The following TMPRSS11B variants were observed in gnomAD, a reference collection of about 807,000 sequenced individuals.
The protein encoded by TMPRSS11B is transmembrane serine protease 11B.
In TMPRSS11B, 53 loss-of-function variants were observed where a neutral mutation model predicts 44.7. That is an observed-to-expected ratio of 1.19 (90% CI 0.95 to 1.49). TMPRSS11B has a LOEUF of 1.49. Among genes scored for constraint, TMPRSS11B ranks in the 40% most tolerant of loss-of-function variants. The pLI, the probability that TMPRSS11B is intolerant of heterozygous loss-of-function variation, is 0.00. For missense variants in TMPRSS11B, 526 were observed against 494.8 expected (o/e 1.06, Z -0.60); for synonymous variants, 140 against 159.2 (o/e 0.88, Z 0.91).
In TMPRSS11B at chr4:68,245,679, T is replaced by C. The variant is rs1172188980; in HGVS notation, c.-121A>G. The stretch of plus-strand genomic sequence containing the variant: ...AAAAGTTAGAACCTTCTGACGCAGC[T>C]TTTGACTTATGTGCTACATCCAGTG... On this transcript the variant is annotated 5_prime_UTR_variant, in exon 1 of 10. Transcript: ENST00000332644. 7.3e-6 allele frequency: 9 copies of C among 1,232,498 alleles called. No homozygotes were observed. In the East Asian group the frequency reaches 2.1e-4, roughly 29 times the overall value. 76.3% of individuals were successfully genotyped at this position (1,232,498 alleles called of 1,614,324 possible). A position where few individuals can be genotyped will look rare whatever the true frequency, so the allele number is the denominator to read the frequency against.
intron 7 of TMPRSS11B, 65 bp downstream of exon 7, chr4:68,231,138 C>T (rs1051500297): frequency 7.0e-7 from 1 of 1,438,040 alleles, no homozygotes; most frequent in Admixed American, 2.4e-5. Flanking sequence ...TAAGTTAACC[C>T]CTACAAACTA....
chr4:68,228,097 T>G, intron 9 of TMPRSS11B, 25 bp from the exon 10 acceptor site: 1 of 1,569,646 alleles, frequency 6.4e-7, no homozygotes. Flanking sequence ...GAAAAAAATG[T>G]TTCTTGTCTT....
intron 7 of TMPRSS11B, among the ~76,000 whole-genome samples, chr4:68,230,591 G>A (rs112448355): frequency 0.01 from 1,550 of 152,114 alleles, 23 homozygotes; most frequent in African/African-American, 0.032. Context: ...ATCACTTAAG[G>A]TCAGGAGTTC....
At chr4:68,231,020 T>G (rs1340774029) in intron 7 of TMPRSS11B, among the ~76,000 whole-genome samples, 183 bp downstream of exon 7, 3 of 73,816 alleles carry the variant, frequency 4.1e-5, no homozygotes, top group Non-Finnish European at 7.8e-5. Context: ...TTTTCTCTCC[T>G]TTCTCTAATT....
In TMPRSS11B at chr4:68,234,526, G is replaced by A. The variant is rs1719607912; in HGVS notation, c.406C>T (p.His136Tyr). The A allele has an allele frequency of 3.1e-6, 5 of 1,613,866 alleles. No homozygotes were observed. In the African/African-American group the frequency reaches 4.0e-5, roughly 13 times the overall value. The change falls in exon 5 of 10, where the codon CAT becomes TAT. Residue 136 changes from histidine (H) to tyrosine (Y), a missense_variant. His to Tyr is a moderately conservative substitution (Grantham distance 83). Coordinates refer to ENST00000332644, the MANE Select transcript of TMPRSS11B (RefSeq NM_182502.3). ...SMRTKIKAKLHQMLKNNMASW... is the reference protein window; with the variant it reads ...SMRTKIKAKLYQMLKNNMASW... Reference sequence around the variant, plus strand: ...GCCATGTTGTTTTTCAACATCTGATGTAATTTAGCCTTGATTTTAGTCCTC... The same window carrying A: ...GCCATGTTGTTTTTCAACATCTGATATAATTTAGCCTTGATTTTAGTCCTC...
In TMPRSS11B at chr4:68,228,074, T is replaced by TAGA. The variant is rs746751885; in HGVS notation, c.1090-5_1090-3dup. The TAGA allele has an allele frequency of 3.5e-5, 56 of 1,587,142 alleles. No individual in the cohort carries two copies. Among genetic ancestry groups the TAGA allele is most frequent in the Non-Finnish European group, 4.6e-5 (54 of 1,172,596 alleles). ...AGCTAGTGGTCCACCAGAATCATTC[T>TAGA]AGAAGAAGAAAAGAAAAAAATGTTT... On this transcript the variant is annotated splice_region_variant and splice_polypyrimidine_tract_variant and intron_variant, in intron 9 of 9. Coordinates refer to ENST00000332644, the MANE Select transcript of TMPRSS11B (RefSeq NM_182502.3).
At position 68,245,673 on chromosome 4, in the gene TMPRSS11B, C is replaced by G. The variant is rs879488245; in HGVS notation, c.-115G>C. 2.3e-6 allele frequency: 3 copies of G among 1,321,884 alleles called. No homozygotes were observed. The highest frequency in any genetic ancestry group is 3.3e-6 in the Non-Finnish European group (3 of 922,048). The allele number at this position is 1,321,884 out of a possible 1,614,324, so 81.9% of individuals were successfully genotyped here. A position where few individuals can be genotyped will look rare whatever the true frequency, so the allele number is the denominator to read the frequency against. ...GATGACAAAAGTTAGAACCTTCTGACGCAGCTTTTGACTTATGTGCTACAT... is the reference window on the plus strand; with the variant it reads ...GATGACAAAAGTTAGAACCTTCTGAGGCAGCTTTTGACTTATGTGCTACAT... On this transcript the variant is annotated 5_prime_UTR_variant, in exon 1 of 10. Transcript: ENST00000332644.
chr4:68,229,738 T>C (rs961754734), intron 7 of TMPRSS11B: 1 of 419,752 alleles, frequency 2.4e-6, no homozygotes, highest in Non-Finnish European at 4.2e-6. Flanking sequence ...TGAAGATCTT[T>C]TCAAGTAGAG....
rs1560446681 is a variant in TMPRSS11B at position 68,245,610 on chromosome 4, A to G, written c.-52T>C. The G allele has an allele frequency of 6.9e-6, 11 of 1,595,568 alleles. No homozygotes were observed. The highest frequency in any genetic ancestry group is 9.5e-6 in the Non-Finnish European group (11 of 1,164,018). Reference sequence around the variant, plus strand: ...AGGTATAACGGTGGTAATGATGATGACGAAGATAACGATAACGATGACAAT... The same window carrying G: ...AGGTATAACGGTGGTAATGATGATGGCGAAGATAACGATAACGATGACAAT... On this transcript the variant is annotated 5_prime_UTR_variant, in exon 1 of 10. Transcript: ENST00000332644.
At chr4:68,233,960 G>A (rs1719589606) in intron 5 of TMPRSS11B, among the ~76,000 whole-genome samples, 1 of 151,824 alleles carries the variant, frequency 6.6e-6, no homozygotes, top group East Asian at 1.9e-4. Flanking sequence ...TCACAAGGTC[G>A]GGAGTTCAAG....
At position 68,228,742 on chromosome 4, in the gene TMPRSS11B, C is replaced by A. The variant is rs375856240; in HGVS notation, c.1089G>T (p.Gln363His). Residue 363 changes from glutamine to histidine, a missense_variant and splice_region_variant, in exon 9 of 10, where the codon CAG becomes CAT. Physicochemically the swap from Gln to His is conservative, Grantham distance 24. Coordinates refer to ENST00000332644, the MANE Select transcript of TMPRSS11B (RefSeq NM_182502.3). Reference protein sequence around the residue: ...GFMSGEADACQNDSGGPLAYP... With the variant: ...GFMSGEADACHNDSGGPLAYP... Reference sequence around the variant, plus strand: ...AACTGGATAATGTAACTAGACATACCTGACATGCATCAGCTTCTCCTGACA... The same window carrying A: ...AACTGGATAATGTAACTAGACATACATGACATGCATCAGCTTCTCCTGACA... 7 of 1,606,396 alleles carry A rather than the reference C, an allele frequency of 4.4e-6. No homozygotes were observed. In the African/African-American group the frequency reaches 9.4e-5, roughly 22 times the overall value.
At chr4:68,245,449 A>G (rs527470541) in intron 1 of TMPRSS11B, 102 bp downstream of exon 1, 2 of 1,290,240 alleles carry the variant, frequency 1.6e-6, no homozygotes, top group Admixed American at 3.4e-5. Context: ...CAGGAATAAA[A>G]ACTAAATTAT....
Position 68,228,007 on chromosome 4 carries a change from T to TA in TMPRSS11B, c.1154dup (p.Ser386LysfsTer4), listed in dbSNP as rs775271416. 1 of 1,613,864 alleles carries TA rather than the reference T, an allele frequency of 6.2e-7. No individual in the cohort carries two copies. The highest frequency in any genetic ancestry group is 1.3e-5 in the African/African-American group (1 of 74,916). ...TTTTACCACATCCATCACCCCAGCT[T>TA]ACTATTCCAACAAGATGCCAGATAT... On this transcript the variant is annotated frameshift_variant, in exon 10 of 10. Coordinates refer to ENST00000332644, the MANE Select transcript of TMPRSS11B (RefSeq NM_182502.3). LOFTEE classifies it high-confidence loss of function.
intron 2 of TMPRSS11B, among the ~76,000 whole-genome samples, chr4:68,239,194 C>T (rs1004512098): frequency 6.6e-6 from 1 of 152,182 alleles, no homozygotes; most frequent in African/African-American, 2.4e-5. Flanking sequence ...AAGGTTGAGA[C>T]ACGAATCCAA....
intron 5 of TMPRSS11B, among the ~76,000 whole-genome samples, chr4:68,233,953 C>G (rs1233118666): frequency 6.6e-6 from 1 of 151,928 alleles, no homozygotes; most frequent in African/African-American, 2.4e-5. Flanking sequence ...GGGCAGATCA[C>G]AAGGTCGGGA....
Position 68,229,510 on chromosome 4 carries a change from A to G in TMPRSS11B, c.693T>C (p.Asn231=), listed in dbSNP as rs754713719. Residue 231 remains asparagine, a synonymous_variant, in exon 8 of 10, where the codon AAT becomes AAC. Transcript: ENST00000332644. ...LSAAHCFAKK[N]NSKDWTVNFG... ...AGTTGACAGTCCAATCTTTTGAATT[A>G]TTTTTCCTAGAGGACACAATGTAAT... 24 of 1,611,390 alleles carry G rather than the reference A, an allele frequency of 1.5e-5. No homozygotes were observed. The highest frequency in any genetic ancestry group is 2.0e-5 in the Non-Finnish European group (24 of 1,178,360).
chr4:68,233,367 A>G (rs1039974001), intron 5 of TMPRSS11B, among the ~76,000 whole-genome samples: 12 of 152,200 alleles, frequency 7.9e-5, no homozygotes, highest in African/African-American at 2.9e-4. Flanking sequence ...GGCTGGAAGA[A>G]CCATGAAACT....
intron 1 of TMPRSS11B, 86 bp from the exon 2 acceptor site, chr4:68,241,890 G>T (rs965458559): frequency 1.3e-6 from 1 of 798,180 alleles, no homozygotes; most frequent in South Asian, 1.4e-5. Context: ...TACATGAATT[G>T]TAGTTTATAC....
Position 68,228,036 on chromosome 4 carries a change from T to C in TMPRSS11B, c.1126A>G (p.Arg376Gly), listed in dbSNP as rs771143025. 2 of 1,613,460 alleles carry C rather than the reference T, an allele frequency of 1.2e-6. No homozygotes were observed. Among genetic ancestry groups the C allele is most frequent in the Admixed American group, 3.3e-5 (2 of 59,852 alleles). Residue 376 changes from arginine (R) to glycine (G), a missense_variant, in exon 10 of 10, where the codon AGA (arginine) becomes GGA (glycine). Physicochemically the swap from Arg to Gly is moderately radical, Grantham distance 125. Transcript: ENST00000332644. Reference protein sequence around the residue: ...SGGPLAYPDSRNIWHLVGIVS... With the variant: ...SGGPLAYPDSGNIWHLVGIVS... ...ATTCCAACAAGATGCCAGATATTTC[T>C]GGAATCAGGGTAAGCTAGTGGTCCA...
Sources: allele counts gnomAD v4.1 joint callset (sites outside exome capture counted in the v4.1 genomes callset), GRCh38; gene constraint gnomAD v4.1.1; transcripts MANE v1.5; gene names NCBI Gene and HGNC (gene_info 2026-07-23, HGNC 2026-07-21).